DYNC2LI1: variants seen among roughly 807,000 people sequenced by gnomAD.
The protein encoded by DYNC2LI1 is cytoplasmic dynein 2 light intermediate chain 1.
Under a neutral mutation model 51.9 loss-of-function variants are expected in DYNC2LI1, and 45 were observed. That is an observed-to-expected ratio of 0.87 (90% CI 0.68 to 1.11). DYNC2LI1 has a LOEUF of 1.11. DYNC2LI1 is among the 50% of genes most tolerant of loss of function. DYNC2LI1 has a pLI of 0.00. For synonymous variants in DYNC2LI1, 130 were observed against 137.8 expected (o/e 0.94, Z 0.40); for missense variants, 490 against 417.4 (o/e 1.17, Z -1.51).
At chr2:43,787,302 C>G in intron 4 of DYNC2LI1, 52 bp downstream of exon 4, 2 of 1,427,428 alleles carry the variant, frequency 1.4e-6, no homozygotes, top group Non-Finnish European at 2.0e-6. Context: ...GAAAGTAATG[C>G]TGCTGACTTT....
the DYNC2LI1 span, chr2:43,824,565 C>A: frequency 6.4e-7 from 1 of 1,567,530 alleles, no homozygotes; most frequent in South Asian, 1.2e-5. Context: ...TAATGCCCAC[C>A]TATAAAATCA....
intron 10 of DYNC2LI1, among the ~76,000 whole-genome samples, chr2:43,802,516 G>A (rs3828296): frequency 0.14 from 21,374 of 151,952 alleles, 2,132 homozygotes; most frequent in African/African-American, 0.26. Context: ...TTAGTGAATG[G>A]TCATGGAGAC....
intron 10 of DYNC2LI1, among the ~76,000 whole-genome samples, chr2:43,804,012 T>C (rs527382319): frequency 1.3e-5 from 2 of 152,220 alleles, no homozygotes; most frequent in Non-Finnish European, 2.9e-5. Context: ...GTGTATATAG[T>C]GTAAAAAAAC....
chr2:43,776,196 TTAGTAG>T (rs528501797), intron 1 of DYNC2LI1, among the ~76,000 whole-genome samples: 2 of 151,840 alleles, frequency 1.3e-5, no homozygotes, highest in Non-Finnish European at 2.9e-5. Context: ...TGCTAATTTA[TTAGTAG>T]TAGTAGTAGT....
chr2:43,780,597 A>T (rs772997660), intron 2 of DYNC2LI1, among the ~76,000 whole-genome samples: 6 of 152,184 alleles, frequency 3.9e-5, no homozygotes, highest in Non-Finnish European at 8.8e-5. Context: ...AGGGTAAGTC[A>T]TATTTTAGTT....
chr2:43,822,465 T>TGGCCGG, the DYNC2LI1 span: 1 of 842,970 alleles, frequency 1.2e-6, no homozygotes, highest in Non-Finnish European at 1.4e-6. Context: ...GGCTGCTTTC[T>TGGCCGG]CCCCTCCCCC....
intron 1 of DYNC2LI1, 139 bp from the exon 2 acceptor site, chr2:43,776,643 T>G (rs759971433): frequency 6.9e-4 from 372 of 540,302 alleles, no homozygotes; most frequent in Middle Eastern, 1.4e-3. Flanking sequence ...CCTCAGATGT[T>G]TTACCAGATT....
chr2:43,824,937 C>T, the DYNC2LI1 span: 3 of 1,614,000 alleles, frequency 1.9e-6, no homozygotes, highest in Non-Finnish European at 2.5e-6. Flanking sequence ...TAACCGCAGT[C>T]ATTGAAGAAA....
intron 2 of DYNC2LI1, chr2:43,781,512 G>GCA (rs1673280423): frequency 2.6e-5 from 4 of 151,752 alleles, no homozygotes; most frequent in Admixed American, 1.3e-4. Flanking sequence ...TTACTTTTTG[G>GCA]GTAATGTAGC....
At chr2:43,813,714 T>A (rs1375298986), downstream of DYNC2LI1, among the ~76,000 whole-genome samples, 1,474 of 119,414 alleles carry the variant, frequency 0.012, 30 homozygotes, top group African/African-American at 0.038. Context: ...TTTTCGTTTT[T>A]TTTTTTTTTT....
intron 12 of DYNC2LI1, among the ~76,000 whole-genome samples, chr2:43,807,990 G>C (rs1666332044): frequency 1.3e-5 from 2 of 152,018 alleles, no homozygotes; most frequent in Admixed American, 1.3e-4. Context: ...TTTTCTCACA[G>C]TCTGCTGTCT....
downstream of DYNC2LI1, among the ~76,000 whole-genome samples, chr2:43,811,635 G>A (rs1476746549): frequency 1.3e-5 from 2 of 149,600 alleles, no homozygotes; most frequent in Admixed American, 6.7e-5. Flanking sequence ...TTGCTCTGTC[G>A]CCAGGCTGGA....
Position 43,794,636 on chromosome 2 carries a change from A to G in DYNC2LI1, c.500A>G (p.Asp167Gly), listed in dbSNP as rs1273796402. 6 of 1,613,964 alleles carry G rather than the reference A, an allele frequency of 3.7e-6. No individual in the cohort carries two copies. The highest frequency in any genetic ancestry group is 1.7e-5 in the Admixed American group (1 of 60,008). Residue 167 changes from aspartate (D) to glycine (G), a missense_variant, in exon 6 of 13, where the codon GAT (aspartate) becomes GGT (glycine). Transcript: ENST00000260605. Reference protein sequence around the residue: ...RQKIWNNMPKDHPDHELIDPF... With the variant: ...RQKIWNNMPKGHPDHELIDPF... ...AAGATCTGGAATAATATGCCGAAGG[A>G]TCATCCTGTGAGTTGCTGTTTGGGA...
the DYNC2LI1 span, chr2:43,822,478 G>T: frequency 1.3e-5 from 6 of 464,544 alleles, no homozygotes; most frequent in East Asian, 1.8e-4. Flanking sequence ...CCTCCCCCAG[G>T]CCCCCCCCCA....
chr2:43,813,023 A>G, downstream of DYNC2LI1: 1 of 731,436 alleles, frequency 1.4e-6, no homozygotes, highest in Non-Finnish European at 2.5e-6. Context: ...ATGTCCTGTC[A>G]AGAAAGAAAT....
At chr2:43,817,871 C>T in the DYNC2LI1 span, among the ~76,000 whole-genome samples, 1 of 150,774 alleles carries the variant, frequency 6.6e-6, no homozygotes, top group South Asian at 2.1e-4. Context: ...GATCGCGCCA[C>T]TGCATTCCAG....
At chr2:43,813,225 G>A (rs754363595), downstream of DYNC2LI1, 1 of 1,612,972 alleles carries the variant, frequency 6.2e-7, no homozygotes, top group Non-Finnish European at 8.5e-7. Context: ...TCTAGATGTT[G>A]CACCTGGGCA....
the DYNC2LI1 span, chr2:43,822,602 C>G: frequency 1.0e-5 from 10 of 985,260 alleles, no homozygotes; most frequent in Non-Finnish European, 1.2e-5. Context: ...GTTCTCAGGT[C>G]TCCTGCAACC....
chr2:43,810,399 C>G, downstream of DYNC2LI1: 1 of 985,348 alleles, frequency 1.0e-6, no homozygotes, highest in African/African-American at 1.7e-5. Flanking sequence ...AAGGAGATAT[C>G]CTATCAAGAA....
Sources: allele counts gnomAD v4.1 joint callset (sites outside exome capture counted in the v4.1 genomes callset), GRCh38; gene constraint gnomAD v4.1.1; transcripts MANE v1.5; gene names NCBI Gene and HGNC (gene_info 2026-07-23, HGNC 2026-07-21).